Variants in MILR1 observed in about 807,000 individuals in gnomAD.
The protein encoded by MILR1 is allergin-1.
A neutral mutation model predicts 18.5 loss-of-function variants in MILR1; 31 were observed. That is an observed-to-expected ratio of 1.68 (90% confidence interval 1.26 to 2.26). The LOEUF (loss-of-function observed/expected upper bound fraction) is 2.26. MILR1 is among the 30% of genes most tolerant of loss of function. The pLI, the probability that MILR1 is intolerant of heterozygous loss-of-function variation, is 0.00. For missense variants in MILR1, 257 were observed against 157.4 expected (o/e 1.63, Z -3.38); for synonymous variants, 85 against 56.2 (o/e 1.51, Z -2.30).
chr17:64,490,002 G>A, the MILR1 span, among the ~76,000 whole-genome samples: 1,617 of 151,358 alleles, frequency 0.011, 16 homozygotes, highest in Non-Finnish European at 0.017. Context: ...TTGGCTCATC[G>A]CAACCTCCAC....
chr17:64,490,594 A>G, the MILR1 span: 1 of 582,636 alleles, frequency 1.7e-6, no homozygotes, highest in Non-Finnish European at 3.1e-6. Context: ...TTCAATTTGT[A>G]GGGCTCTGTG....
the MILR1 span, among the ~76,000 whole-genome samples, chr17:64,483,218 A>G: frequency 6.6e-6 from 1 of 152,196 alleles, no homozygotes; most frequent in African/African-American, 2.4e-5. Context: ...TGTTTGGCAG[A>G]AAGAAATTAA....
chr17:64,485,848 A>G, the MILR1 span: 1 of 1,614,068 alleles, frequency 6.2e-7, no homozygotes, highest in Non-Finnish European at 8.5e-7. Context: ...AAGGAACCAC[A>G]TTTTTTCGTC....
downstream of MILR1, among the ~76,000 whole-genome samples, chr17:64,469,878 C>T (rs2037661462): frequency 6.6e-6 from 1 of 152,130 alleles, no homozygotes; most frequent in Admixed American, 6.6e-5. Context: ...TCTACTGAGA[C>T]CCGACCCTGG....
At chr17:64,453,273 T>C (rs2037215588) in intron 3 of MILR1, among the ~76,000 whole-genome samples, 1 of 151,890 alleles carries the variant, frequency 6.6e-6, no homozygotes, top group Non-Finnish European at 1.5e-5. Context: ...TTCACCATGT[T>C]GGTCAGGCTG....
the MILR1 span, among the ~76,000 whole-genome samples, chr17:64,489,109 C>T: frequency 2.0e-5 from 3 of 147,788 alleles, no homozygotes; most frequent in East Asian, 5.9e-4. Context: ...CACTGATGAT[C>T]CTGGAACAAT....
chr17:64,496,448 A>G, the MILR1 span: 1 of 1,590,052 alleles, frequency 6.3e-7, no homozygotes, highest in Non-Finnish European at 8.6e-7. Flanking sequence ...AGTTTTTAAT[A>G]CGTTCTCAAG....
the MILR1 span, chr17:64,485,586 TAAA>T: frequency 1.4e-6 from 1 of 725,166 alleles, no homozygotes; most frequent in Non-Finnish European, 2.4e-6. Flanking sequence ...GGCCAGATTC[TAAA>T]AAAACTGAAA....
intron 2 of MILR1, among the ~76,000 whole-genome samples, chr17:64,452,022 A>G (rs2037182905): frequency 6.6e-6 from 1 of 151,892 alleles, no homozygotes; most frequent in African/African-American, 2.4e-5. Context: ...GCATTTTTAA[A>G]AGCATTTTTG....
At chr17:64,458,065 T>G (rs954162711) in intron 4 of MILR1, among the ~76,000 whole-genome samples, 1 of 152,150 alleles carries the variant, frequency 6.6e-6, no homozygotes, top group Non-Finnish European at 1.5e-5. Flanking sequence ...GCCAGGTCTT[T>G]TAGTTTTCTT....
the MILR1 span, chr17:64,497,093 C>G: frequency 1.0e-6 from 1 of 982,340 alleles, no homozygotes; most frequent in East Asian, 2.6e-5. Context: ...TGCTTGCGGG[C>G]GGCAGGCCCC....
chr17:64,479,214 C>T, the MILR1 span, among the ~76,000 whole-genome samples: 4 of 142,682 alleles, frequency 2.8e-5, no homozygotes, highest in Middle Eastern at 3.6e-3. Flanking sequence ...GAAGGAGTCT[C>T]GCTCTGTCAC....
the MILR1 span, among the ~76,000 whole-genome samples, chr17:64,489,609 C>T: frequency 1.3e-5 from 2 of 151,920 alleles, no homozygotes; most frequent in Admixed American, 6.6e-5. Flanking sequence ...AATATTAAAC[C>T]ATCAGTCGGG....
chr17:64,491,686 G>C, the MILR1 span: 1 of 1,152,088 alleles, frequency 8.7e-7, no homozygotes, highest in Non-Finnish European at 1.3e-6. Context: ...GTGAAGAAGG[G>C]GAGCATCTCG....
intron 5 of MILR1, among the ~76,000 whole-genome samples, chr17:64,464,043 T>C (rs1430075883): frequency 2.0e-5 from 3 of 151,824 alleles, no homozygotes; most frequent in Admixed American, 6.6e-5. Flanking sequence ...AGGCTGGTCT[T>C]GAACTTCTGA....
chr17:64,492,748 C>T, the MILR1 span: 24 of 1,612,644 alleles, frequency 1.5e-5, no homozygotes, highest in South Asian at 3.3e-5. Context: ...ACCATACTAA[C>T]GAAGCTTCAG....
chr17:64,455,796 T>C (rs1172288967), intron 3 of MILR1, among the ~76,000 whole-genome samples: 4 of 151,516 alleles, frequency 2.6e-5, no homozygotes, highest in Non-Finnish European at 5.9e-5. Context: ...CCCAGCACTT[T>C]GGGAGGTTGA....
chr17:64,491,675 C>G, the MILR1 span: 1 of 1,241,200 alleles, frequency 8.1e-7, no homozygotes, highest in South Asian at 1.2e-5. Flanking sequence ...AGTACATCAA[C>G]GTGAAGAAGG....
chr17:64,488,829 G>A, the MILR1 span, among the ~76,000 whole-genome samples: 3 of 152,092 alleles, frequency 2.0e-5, no homozygotes, highest in South Asian at 2.1e-4. Flanking sequence ...TTAACCGGGC[G>A]TGGTGGCGCA....
Sources: allele counts gnomAD v4.1 joint callset (sites outside exome capture counted in the v4.1 genomes callset), GRCh38; gene constraint gnomAD v4.1.1; transcripts MANE v1.5; gene names NCBI Gene and HGNC (gene_info 2026-07-23, HGNC 2026-07-21).